Variants in KAZN observed in about 807,000 individuals in gnomAD.
KAZN encodes kazrin.
Under a neutral mutation model 87.4 loss-of-function variants are expected in KAZN, and 40 were observed. The observed-to-expected ratio is 0.46, with a 90% CI of 0.36 to 0.60. KAZN has a LOEUF of 0.60. Among genes scored for constraint, KAZN ranks in the 20% least tolerant of loss-of-function variants. The probability of loss-of-function intolerance (pLI) is 0.00; values close to 1 mark genes in which losing one functional copy is unlikely to be tolerated. For synonymous variants in KAZN, 466 were observed against 458.3 expected (o/e 1.02, Z -0.22); for missense variants, 898 against 1,073.9 (o/e 0.84, Z 2.29).
chr1:14,955,007 T>C (rs1174982248), intron 1 of KAZN, among the ~76,000 whole-genome samples: 2 of 152,250 alleles, frequency 1.3e-5, no homozygotes, highest in East Asian at 3.9e-4. Context: ...GCAGTGCAGC[T>C]ATAGACCCTG....
intron 1 of KAZN, among the ~76,000 whole-genome samples, chr1:14,157,697 T>C (rs1246263599): frequency 1.3e-5 from 2 of 152,226 alleles, no homozygotes; most frequent in Admixed American, 1.3e-4. Context: ...ATTAAATTCC[T>C]TGAGGTAGTG....
intron 2 of KAZN, among the ~76,000 whole-genome samples, chr1:14,973,720 A>AG (rs977414440): frequency 3.3e-5 from 5 of 152,090 alleles, no homozygotes; most frequent in African/African-American, 1.2e-4. Context: ...GGAGAAGAAA[A>AG]GGGGGGTGGT....
At chr1:14,105,975 T>C (rs1442199233) in intron 1 of KAZN, among the ~76,000 whole-genome samples, 1 of 152,202 alleles carries the variant, frequency 6.6e-6, no homozygotes, top group Non-Finnish European at 1.5e-5. Context: ...CTTGCAGCAA[T>C]CTGGTGGCTT....
chr1:15,033,737 TTTTG>T (rs761202145), intron 2 of KAZN, among the ~76,000 whole-genome samples: 6 of 152,170 alleles, frequency 3.9e-5, no homozygotes, highest in Non-Finnish European at 5.9e-5. Flanking sequence ...CCTTTGCCCA[TTTTG>T]TTTGTTTGTT....
chr1:14,248,094 T>G lies in KAZN; in HGVS notation c.249+67502T>G, dbSNP rs113037242. 3.4e-3 allele frequency among the ~76,000 whole-genome samples: 516 copies of G among 152,306 alleles called. 6 individuals are homozygous for G. The highest frequency in any genetic ancestry group is 4.1e-3 in the Admixed American group (62 of 15,306). ...TAGTAGGTTTGGAAAGCCAGGGATT[T>G]CACAGGCAAAAGTTGATTGCATAGA... is the stretch of plus-strand genomic sequence containing the variant. On this transcript the variant is annotated intron_variant, in intron 2 of 16. Coordinates refer to the KAZN transcript ENST00000636203.
chr1:14,924,193 G>A, intron 1 of KAZN: 3 of 981,942 alleles, frequency 3.1e-6, no homozygotes, highest in South Asian at 9.4e-5. Context: ...CGGACCGCCC[G>A]GCGTCCGGCC....
At position 15,009,946 on chromosome 1, in the gene KAZN, C is replaced by G. The variant is rs55770019; in HGVS notation, c.419-24803C>G. On this transcript the variant is annotated intron_variant, in intron 2 of 14. Coordinates refer to ENST00000376030, the MANE Select transcript of KAZN (RefSeq NM_201628.3). ...AAAGATAAGGACTCTTTTTAAGAAACATAACCTCCAAACTATCATCTCACT... is the reference window on the plus strand; with the variant it reads ...AAAGATAAGGACTCTTTTTAAGAAAGATAACCTCCAAACTATCATCTCACT... Among the ~76,000 whole-genome samples, 747 of 146,112 alleles carry G rather than the reference C, an allele frequency of 5.1e-3. 7 individuals are homozygous for G. Among genetic ancestry groups the G allele is most frequent in the African/African-American group, 0.019 (720 of 38,382 alleles).
intron 2 of KAZN, among the ~76,000 whole-genome samples, chr1:14,289,897 G>A (rs1007630349): frequency 6.6e-5 from 10 of 151,950 alleles, no homozygotes; most frequent in South Asian, 2.1e-4. Context: ...ATCTCTCAGC[G>A]TTTGTTTGTA....
chr1:14,457,819 G>GTT lies in KAZN; in HGVS notation c.250-141161_250-141160dup, dbSNP rs147082108. ...ATATTCTTTTTTGTTGTTGTTTTTT[G>GTT]TTTTGTTTTTTTTTTTGAAACGGAA... On this transcript the variant is annotated intron_variant, in intron 2 of 16. Transcript: ENST00000636203. Among the ~76,000 whole-genome samples the GTT allele has an allele frequency of 4.1e-4, 56 of 136,962 alleles. 2 individuals are homozygous for GTT. The highest frequency in any genetic ancestry group is 7.6e-3 in the Middle Eastern group (2 of 264). 89.9% of individuals were successfully genotyped at this position (136,962 alleles called of 152,430 possible).
intron 1 of KAZN, among the ~76,000 whole-genome samples, chr1:14,683,140 C>T (rs1292834204): frequency 2.6e-5 from 4 of 152,102 alleles, no homozygotes; most frequent in African/African-American, 9.7e-5. Context: ...TAGACTCTGA[C>T]CCTCAGTGCC....
At chr1:14,695,619 C>T (rs1641560152) in intron 1 of KAZN, among the ~76,000 whole-genome samples, 1 of 150,924 alleles carries the variant, frequency 6.6e-6, no homozygotes, top group South Asian at 2.1e-4. Flanking sequence ...GATTGTCTTG[C>T]CTCAGCCTCT....
intron 2 of KAZN, among the ~76,000 whole-genome samples, chr1:14,535,005 G>A (rs1672405715): frequency 6.6e-6 from 1 of 152,206 alleles, no homozygotes; most frequent in Admixed American, 6.5e-5. Context: ...TAGATCTTGA[G>A]TTTGGGGCCT....
intron 1 of KAZN, among the ~76,000 whole-genome samples, chr1:14,907,451 C>T (rs573281558): frequency 6.6e-6 from 1 of 151,504 alleles, no homozygotes; most frequent in African/African-American, 2.4e-5. Context: ...CCACCCCAGA[C>T]CTCAGGCATC....
rs145054323 is a variant in KAZN at position 14,812,525 on chromosome 1, G to C, written c.227-148159G>C. ...TCAAGCCTGGTGGGAATTTTTTGTT[G>C]TGTTTTGAAATAGAGTCTTGCTCTA... On this transcript the variant is annotated intron_variant, in intron 1 of 14. Transcript: ENST00000376030. Among the ~76,000 whole-genome samples the C allele has an allele frequency of 4.1e-3, 624 of 152,210 alleles. 4 individuals carry two copies. Among genetic ancestry groups the C allele is most frequent in the African/African-American group, 0.014 (581 of 41,532 alleles).
chr1:14,594,771 G>A (rs1003747578), upstream of KAZN, among the ~76,000 whole-genome samples: 5 of 152,190 alleles, frequency 3.3e-5, no homozygotes, highest in African/African-American at 9.7e-5. Context: ...CCAGGACACC[G>A]GCGGTAAACG....
intron 1 of KAZN, among the ~76,000 whole-genome samples, chr1:14,830,657 G>C (rs1376171236): frequency 1.3e-5 from 2 of 152,188 alleles, no homozygotes; most frequent in African/African-American, 4.8e-5. Flanking sequence ...GCAGGAGAGA[G>C]AGAAAGAGAG....
intron 1 of KAZN, among the ~76,000 whole-genome samples, chr1:14,903,817 C>G (rs541633402): frequency 2.6e-5 from 4 of 152,330 alleles, no homozygotes; most frequent in Admixed American, 2.6e-4. Flanking sequence ...AATGCTAACT[C>G]TGGCAGATGG....
At chr1:14,109,752 C>T (rs983049473) in intron 1 of KAZN, among the ~76,000 whole-genome samples, 6 of 133,012 alleles carry the variant, frequency 4.5e-5, no homozygotes, top group African/African-American at 8.9e-5. Flanking sequence ...GCCACCATTC[C>T]ATTCAGCTTA....
intron 2 of KAZN, among the ~76,000 whole-genome samples, chr1:14,264,854 T>C (rs879511787): frequency 6.6e-6 from 1 of 152,192 alleles, no homozygotes; most frequent in Admixed American, 6.5e-5. Flanking sequence ...AGTAATTAGA[T>C]TGGGACAGTA....
Sources: gnomAD v4.1 joint callset for allele counts (sites outside exome capture counted in the v4.1 genomes callset) on GRCh38, gnomAD v4.1.1 for gene constraint, MANE v1.5 for transcripts, NCBI Gene and HGNC (gene_info 2026-07-23, HGNC 2026-07-21) for gene names.